The following TBXAS1 variants were observed in gnomAD, a reference collection of about 807,000 sequenced individuals.
The protein encoded by TBXAS1 is thromboxane A synthase 1.
Under a neutral mutation model 60.7 loss-of-function variants are expected in TBXAS1, and 48 were observed. That is an observed-to-expected ratio of 0.79 (90% CI 0.63 to 1.01). The LOEUF is 1.01. TBXAS1 is among the 50% of genes least tolerant of loss of function. TBXAS1 has a pLI of 0.00. For missense variants in TBXAS1, 685 were observed against 686.3 expected, an observed-to-expected ratio of 1.00 and a Z score of 0.02; for synonymous variants, 287 against 269.7, an observed-to-expected ratio of 1.06 and a Z score of -0.63.
intron 2 of TBXAS1, among the ~76,000 whole-genome samples, chr7:139,874,561 C>A (rs1802075600): frequency 6.6e-6 from 1 of 152,206 alleles, no homozygotes; most frequent in South Asian, 2.1e-4. Flanking sequence ...CAGTAGATTT[C>A]ATGAGAAAGG....
chr7:139,967,136 G>C (rs998065501), intron 9 of TBXAS1, among the ~76,000 whole-genome samples: 1 of 152,236 alleles, frequency 6.6e-6, no homozygotes, highest in Admixed American at 6.5e-5. Context: ...CCAGCTAGAT[G>C]GCTCCAGCTT....
At chr7:139,926,439 A>C (rs534092968) in intron 4 of TBXAS1, among the ~76,000 whole-genome samples, 1 of 152,326 alleles carries the variant, frequency 6.6e-6, no homozygotes, top group South Asian at 2.1e-4. Flanking sequence ...ACAGTTGCCC[A>C]TAGTAGCTGC....
At chr7:139,854,102 A>G (rs985169079) in intron 1 of TBXAS1, among the ~76,000 whole-genome samples, 1 of 151,818 alleles carries the variant, frequency 6.6e-6, no homozygotes, top group Non-Finnish European at 1.5e-5. Flanking sequence ...AAAATTTAAG[A>G]AGGCCCTCAC....
At chr7:139,816,508 A>C (rs532677355) in intron 4 of TBXAS1, among the ~76,000 whole-genome samples, 1 of 152,202 alleles carries the variant, frequency 6.6e-6, no homozygotes, top group African/African-American at 2.4e-5. Context: ...TGGGCTTTAG[A>C]ATTTTAAAGG....
chr7:139,829,971 T>C (rs1798596545), intron 1 of TBXAS1, among the ~76,000 whole-genome samples: 2 of 152,122 alleles, frequency 1.3e-5, no homozygotes, highest in Admixed American at 1.3e-4. Context: ...AAGGACAAAG[T>C]GGTAGATCTA....
chr7:139,955,341 C>A, intron 6 of TBXAS1, 118 bp from the exon 7 acceptor site: 1 of 1,338,346 alleles, frequency 7.5e-7, no homozygotes, highest in Non-Finnish European at 1.1e-6. Flanking sequence ...CTTCCAGACA[C>A]ATCTGCAGGG....
intron 1 of TBXAS1, among the ~76,000 whole-genome samples, chr7:139,839,361 T>C (rs1799274378): frequency 6.6e-6 from 1 of 152,176 alleles, no homozygotes; most frequent in African/African-American, 2.4e-5. Flanking sequence ...GTAGTCTAAT[T>C]ATTTCTTCCA....
At chr7:139,958,061 C>T (rs2117353206) in intron 8 of TBXAS1, among the ~76,000 whole-genome samples, 1 of 152,280 alleles carries the variant, frequency 6.6e-6, no homozygotes, top group East Asian at 1.9e-4. Flanking sequence ...AAGCATCAAC[C>T]CAAGCACAGG....
chr7:139,812,990 G>A (rs1373204498), intron 4 of TBXAS1, among the ~76,000 whole-genome samples: 1 of 151,970 alleles, frequency 6.6e-6, no homozygotes, highest in African/African-American at 2.4e-5. Flanking sequence ...CGGGGTGGCG[G>A]AGGTTGCAGT....
At chr7:139,956,994 G>A (rs1809916499) in intron 7 of TBXAS1, among the ~76,000 whole-genome samples, 1 of 152,242 alleles carries the variant, frequency 6.6e-6, no homozygotes, top group Admixed American at 6.5e-5. Context: ...AAGCTGAGAA[G>A]CTGAACCCAG....
intron 5 of TBXAS1, among the ~76,000 whole-genome samples, chr7:139,938,165 C>T (rs1569516080): frequency 1.3e-5 from 2 of 152,122 alleles, no homozygotes; most frequent in African/African-American, 4.8e-5. Context: ...CCGCGGCCCA[C>T]ATGTGCTCAA....
chr7:139,876,224 G>A (rs931117975), intron 3 of TBXAS1, among the ~76,000 whole-genome samples: 21 of 152,152 alleles, frequency 1.4e-4, no homozygotes, highest in African/African-American at 4.8e-4. Flanking sequence ...GTTCTTGGCC[G>A]TGTAAAGTAA....
chr7:139,782,519 A>G (rs921377670), intron 2 of TBXAS1: 2 of 151,866 alleles, frequency 1.3e-5, no homozygotes, highest in Admixed American at 1.3e-4. Flanking sequence ...CAATATCTTC[A>G]AGGCCACAGG....
At chr7:139,900,044 T>C (rs1481400618) in intron 3 of TBXAS1, among the ~76,000 whole-genome samples, 1 of 152,236 alleles carries the variant, frequency 6.6e-6, no homozygotes, top group Non-Finnish European at 1.5e-5. Context: ...GCACTTAGAA[T>C]GAAGCCTGGT....
In TBXAS1 at chr7:139,875,905, C is replaced by T. The variant is rs79110043; in HGVS notation, c.236+268C>T. On this transcript the variant is annotated intron_variant, in intron 3 of 12. Coordinates refer to ENST00000448866, the MANE Select transcript of TBXAS1 (RefSeq NM_001061.7). The stretch of plus-strand genomic sequence containing the variant: ...TGCAGCCTTGCTGGGCTGGGCACAG[C>T]ATCATCTCCCGTTGCTGTGCTGAGG... 5.8e-3 allele frequency: 2,990 copies of T among 515,468 alleles called. 27 individuals are homozygous for T. The highest frequency in any genetic ancestry group is 0.018 in the Middle Eastern group (32 of 1,820). The allele number at this position is 515,468 out of a possible 1,614,324, so 31.9% of individuals were successfully genotyped here.
At chr7:139,822,362 C>T (rs575701055) in intron 4 of TBXAS1, among the ~76,000 whole-genome samples, 1 of 152,236 alleles carries the variant, frequency 6.6e-6, no homozygotes, top group East Asian at 1.9e-4. Context: ...TTGGTTCCCC[C>T]ACCCTCAACT....
intron 5 of TBXAS1, among the ~76,000 whole-genome samples, chr7:139,950,735 C>T (rs1809168373): frequency 2.3e-5 from 3 of 129,136 alleles, no homozygotes; most frequent in South Asian, 5.5e-4. Context: ...GGGACCCCCT[C>T]GCCCTCCATC....
intron 4 of TBXAS1, among the ~76,000 whole-genome samples, chr7:139,821,486 C>T (rs909579344): frequency 3.7e-4 from 56 of 152,234 alleles, no homozygotes; most frequent in African/African-American, 1.3e-3. Flanking sequence ...TCCCTGCCCT[C>T]AAGACTAATA....
intron 10 of TBXAS1, among the ~76,000 whole-genome samples, chr7:140,014,419 G>A (rs188867125): frequency 1.3e-5 from 2 of 152,310 alleles, no homozygotes; most frequent in Admixed American, 1.3e-4. Flanking sequence ...GGCTGGGGCT[G>A]AGGTAGGAGG....
Sources: allele counts gnomAD v4.1 joint callset (sites outside exome capture counted in the v4.1 genomes callset), GRCh38; gene constraint gnomAD v4.1.1; transcripts MANE v1.5; gene names NCBI Gene and HGNC (gene_info 2026-07-23, HGNC 2026-07-21).